The following MTCL3 variants were observed in gnomAD, a reference collection of about 807,000 sequenced individuals.
The protein encoded by MTCL3 is microtubule cross-linking factor 3.
At chr6:127,488,024 C>T in the MTCL3 span, among the ~76,000 whole-genome samples, 2 of 152,090 alleles carry the variant, frequency 1.3e-5, no homozygotes, top group East Asian at 3.9e-4. Flanking sequence ...GTCACCCCAC[C>T]CCCCAATCCC....
At chr6:127,482,924 T>C in the MTCL3 span, 2 of 1,606,614 alleles carry the variant, frequency 1.2e-6, no homozygotes, top group East Asian at 4.5e-5. This position sits in a 1 kb window ranked among gnomAD's most constrained non-coding sequence, Gnocchi z 4.1. Context: ...TCTGTGGGAG[T>C]CTGTTGAGCC....
At chr6:127,475,355 G>A in the MTCL3 span, 2 of 1,613,232 alleles carry the variant, frequency 1.2e-6, no homozygotes, top group African/African-American at 1.3e-5. The surrounding 1 kb of genome is among the most constrained non-coding windows in gnomAD (Gnocchi z 7.3). Context: ...ACCTCGAGGC[G>A]GTCGATGAAG....
the MTCL3 span, among the ~76,000 whole-genome samples, chr6:127,473,638 A>G: frequency 6.6e-6 from 1 of 152,218 alleles, no homozygotes. Context: ...TCATAAAACG[A>G]TATTTTTCAT....
chr6:127,514,712 C>G, the MTCL3 span: 218 of 807,142 alleles, frequency 2.7e-4, 3 homozygotes, highest in East Asian at 5.5e-3. Flanking sequence ...AAACTGTGTC[C>G]CTAAGGCTCC....
At chr6:127,515,081 A>G in the MTCL3 span, 2 of 1,590,508 alleles carry the variant, frequency 1.3e-6, no homozygotes, top group East Asian at 2.2e-5. This position sits in a 1 kb window ranked among gnomAD's most constrained non-coding sequence, Gnocchi z 4.3. Context: ...TCAAAATCAA[A>G]CTCGCTTCCA....
the MTCL3 span, chr6:127,481,412 T>A: frequency 4.1e-6 from 4 of 985,284 alleles, no homozygotes; most frequent in African/African-American, 7.0e-5. Context: ...GATATCATGG[T>A]CTTGGCTGTG....
At chr6:127,478,302 A>G in the MTCL3 span, among the ~76,000 whole-genome samples, 3 of 152,342 alleles carry the variant, frequency 2.0e-5, no homozygotes, top group South Asian at 2.1e-4. Flanking sequence ...CGCTTTCAAA[A>G]TAGGATGTAC....
the MTCL3 span, among the ~76,000 whole-genome samples, chr6:127,476,639 G>A: frequency 2.0e-5 from 3 of 152,120 alleles, no homozygotes; most frequent in Non-Finnish European, 4.4e-5. The surrounding 1 kb of genome is among the most constrained non-coding windows in gnomAD (Gnocchi z 4.4). Flanking sequence ...AAATTCTCTG[G>A]CAAATTAAAG....
the MTCL3 span, among the ~76,000 whole-genome samples, chr6:127,484,640 T>A: frequency 6.6e-6 from 1 of 152,178 alleles, no homozygotes; most frequent in Non-Finnish European, 1.5e-5. Flanking sequence ...AACATACCTG[T>A]GACACAATAA....
At chr6:127,516,789 T>G in the MTCL3 span, 1 of 1,121,910 alleles carries the variant, frequency 8.9e-7, no homozygotes, top group East Asian at 2.6e-5. Context: ...TGGATGGCGC[T>G]TAATAGAAGC....
chr6:127,509,084 A>G, the MTCL3 span, among the ~76,000 whole-genome samples: 2 of 152,354 alleles, frequency 1.3e-5, no homozygotes, highest in African/African-American at 4.8e-5. Context: ...GGTTACAGAA[A>G]GGTAAAGGCA....
chr6:127,476,330 C>T, the MTCL3 span: 3 of 1,614,078 alleles, frequency 1.9e-6, no homozygotes, highest in Non-Finnish European at 2.5e-6. This position sits in a 1 kb window ranked among gnomAD's most constrained non-coding sequence, Gnocchi z 4.4. Context: ...CTGTCCAGAT[C>T]CCCATAAAAG....
At chr6:127,500,300 A>G in the MTCL3 span, among the ~76,000 whole-genome samples, 1 of 152,156 alleles carries the variant, frequency 6.6e-6, no homozygotes, top group Non-Finnish European at 1.5e-5. Flanking sequence ...AATAAGACAT[A>G]TTTTTTTGAC....
the MTCL3 span, chr6:127,513,168 G>T: frequency 1.1e-6 from 1 of 921,450 alleles, no homozygotes; most frequent in Non-Finnish European, 1.6e-6. Context: ...CCATGTGCCA[G>T]GCATTATTCC....
the MTCL3 span, chr6:127,473,270 T>C: frequency 4.0e-6 from 6 of 1,510,224 alleles, no homozygotes; most frequent in African/African-American, 4.4e-5. Flanking sequence ...GAATGGTAAA[T>C]GATGAAAGAT....
At chr6:127,487,497 A>C in the MTCL3 span, among the ~76,000 whole-genome samples, 5 of 152,184 alleles carry the variant, frequency 3.3e-5, no homozygotes, top group Admixed American at 2.6e-4. Context: ...AAAAGGTAGA[A>C]GCTCTGTCTC....
chr6:127,516,066 C>T, the MTCL3 span: 1 of 1,523,288 alleles, frequency 6.6e-7, no homozygotes, highest in East Asian at 2.5e-5. Flanking sequence ...CGCCCCCCTC[C>T]CTTTCCCCGG....
the MTCL3 span, among the ~76,000 whole-genome samples, chr6:127,490,687 C>T: frequency 2.0e-5 from 3 of 151,904 alleles, no homozygotes; most frequent in South Asian, 2.1e-4. Context: ...TGTAGTGATG[C>T]GTGCCTGTAG....
chr6:127,515,726 G>A, the MTCL3 span: 9 of 1,593,280 alleles, frequency 5.6e-6, no homozygotes, highest in Non-Finnish European at 6.8e-6. This position sits in a 1 kb window ranked among gnomAD's most constrained non-coding sequence, Gnocchi z 4.3. Context: ...CAAACGGCAG[G>A]GGGGCCAGAC....
Sources: allele counts gnomAD v4.1 joint callset (sites outside exome capture counted in the v4.1 genomes callset), GRCh38; gene constraint gnomAD v4.1.1; non-coding constraint Gnocchi (gnomAD v3.1); transcripts MANE v1.5; gene names NCBI Gene and HGNC (gene_info 2026-07-23, HGNC 2026-07-21).